STAB2: variants seen among roughly 807,000 people sequenced by gnomAD.
The protein encoded by STAB2 is stabilin 2, also known as stabilin-2.
STAB2 carries 288 observed loss-of-function variants against 338.1 expected under a neutral mutation model. That is an observed-to-expected ratio of 0.85 (90% confidence interval 0.77 to 0.94). The LOEUF (loss-of-function observed/expected upper bound fraction) is 0.94, where lower values mean the gene tolerates loss of function less well. STAB2 is among the 40% of genes least tolerant of loss of function. The pLI is 0.00. For synonymous variants in STAB2, 1,202 were observed against 1,193.3 expected (o/e 1.01, Z -0.15); for missense variants, 3,141 against 3,210.1 (o/e 0.98, Z 0.52).
At chr12:103,684,197 A>C (rs1313119840) in intron 26 of STAB2, among the ~76,000 whole-genome samples, 1 of 152,142 alleles carries the variant, frequency 6.6e-6, no homozygotes, top group Non-Finnish European at 1.5e-5. Flanking sequence ...TTCCCCCACC[A>C]TCAGTGATGC....
chr12:103,618,827 C>T (rs1957251892), intron 3 of STAB2, among the ~76,000 whole-genome samples: 2 of 152,098 alleles, frequency 1.3e-5, no homozygotes, highest in Non-Finnish European at 1.5e-5. Context: ...CTCTGTGTCC[C>T]CACCCAGTCT....
intron 38 of STAB2, among the ~76,000 whole-genome samples, chr12:103,707,516 T>C (rs75930037): frequency 3.2e-4 from 49 of 152,346 alleles, no homozygotes; most frequent in African/African-American, 1.1e-3. Flanking sequence ...TTTTAGATCA[T>C]GCTGTTCTTT....
intron 2 of STAB2, among the ~76,000 whole-genome samples, chr12:103,592,722 A>G (rs1956818635): frequency 6.6e-6 from 1 of 152,168 alleles, no homozygotes. Context: ...GCTTAACATA[A>G]GATCTCCTGT....
chr12:103,675,930 G>C lies in STAB2; in HGVS notation c.2555G>C (p.Cys852Ser), dbSNP rs764508962. 1 of 1,609,990 alleles carries C rather than the reference G, an allele frequency of 6.2e-7. No individual in the cohort carries two copies. Among genetic ancestry groups the C allele is most frequent in the Non-Finnish European group, 8.5e-7 (1 of 1,177,834 alleles). Residue 852 changes from cysteine to serine, a missense_variant and splice_region_variant, in exon 24 of 69, where the codon TGT (cysteine) becomes TCT (serine). Physicochemically the swap from Cys to Ser is moderately radical, Grantham distance 112 (BLOSUM62 -1). Coordinates refer to ENST00000388887, the MANE Select transcript of STAB2 (RefSeq NM_017564.10). ...ATATTGCACACTCTCCTTTGCAGTT[G>C]TATTTGCAAAGCAGGATATGAAGGA... ...TCEYSNGTAS[C>S]ICKAGYEGDG...
intron 20 of STAB2, 74 bp downstream of exon 20, chr12:103,668,803 T>C (rs1214562593): frequency 8.0e-6 from 11 of 1,377,578 alleles, no homozygotes; most frequent in Non-Finnish European, 1.1e-5. Context: ...TCTTGGGTCC[T>C]AGGGTCCACG....
chr12:103,709,418 A>T (rs1382589684), intron 39 of STAB2, among the ~76,000 whole-genome samples: 2 of 152,230 alleles, frequency 1.3e-5, no homozygotes, highest in African/African-American at 4.8e-5. Flanking sequence ...AGAGTTTTCA[A>T]CAAGGGAGCA....
At chr12:103,753,463 CAG>C (rs1883848881) in intron 61 of STAB2, 110 bp downstream of exon 61, 1 of 1,442,958 alleles carries the variant, frequency 6.9e-7, no homozygotes, top group Non-Finnish European at 9.5e-7. Flanking sequence ...CAAGGGAGTG[CAG>C]GTAGCTCCTG....
chr12:103,750,383 G>A (rs1883519954), intron 59 of STAB2, among the ~76,000 whole-genome samples, 196 bp from the exon 60 acceptor site: 1 of 152,242 alleles, frequency 6.6e-6, no homozygotes, highest in African/African-American at 2.4e-5. Flanking sequence ...CATTTGAACT[G>A]AGATGTAAAG....
chr12:103,722,609 T>G (rs1292509691), intron 44 of STAB2, among the ~76,000 whole-genome samples: 1 of 152,224 alleles, frequency 6.6e-6, no homozygotes, highest in Non-Finnish European at 1.5e-5. Flanking sequence ...CTGGAAAATT[T>G]TAAACCTACA....
intron 11 of STAB2, among the ~76,000 whole-genome samples, chr12:103,651,537 C>T (rs1461798833): frequency 6.6e-6 from 1 of 152,114 alleles, no homozygotes; most frequent in Non-Finnish European, 1.5e-5. Flanking sequence ...TGGTCTCCAT[C>T]TCCTGACCTC....
chr12:103,626,587 CGGATGAATGAAT>C (rs917091069), intron 5 of STAB2, among the ~76,000 whole-genome samples: 16 of 152,160 alleles, frequency 1.1e-4, no homozygotes, highest in African/African-American at 3.6e-4. Flanking sequence ...AAGCAAGTCA[CGGATGAATGAAT>C]GGATGAATGA....
At chr12:103,742,671 C>T in intron 56 of STAB2, 117 bp downstream of exon 56, 6 of 1,482,540 alleles carry the variant, frequency 4.0e-6, no homozygotes, top group Non-Finnish European at 5.5e-6. Flanking sequence ...TCAGCCACAC[C>T]CCTCCAATCT....
intron 44 of STAB2, among the ~76,000 whole-genome samples, chr12:103,719,310 A>G (rs1593279810): frequency 6.6e-6 from 1 of 152,158 alleles, no homozygotes; most frequent in Non-Finnish European, 1.5e-5. Flanking sequence ...AATTTCTCTA[A>G]CAGCCATATG....
At chr12:103,658,623 A>G (rs867273447) in intron 15 of STAB2, among the ~76,000 whole-genome samples, 3 of 152,138 alleles carry the variant, frequency 2.0e-5, no homozygotes. Flanking sequence ...ACTGAGACTC[A>G]TGGGTTAAGT....
At chr12:103,622,340 T>C (rs1346488466) in intron 5 of STAB2, among the ~76,000 whole-genome samples, 1 of 121,924 alleles carries the variant, frequency 8.2e-6, no homozygotes, top group Admixed American at 8.0e-5. Context: ...TGAAAGAAGA[T>C]TTATAGACAA....
intron 3 of STAB2, among the ~76,000 whole-genome samples, chr12:103,608,787 C>T (rs934704629): frequency 6.6e-6 from 1 of 152,112 alleles, no homozygotes; most frequent in Non-Finnish European, 1.5e-5. Flanking sequence ...ATGGTATTGC[C>T]TAGGTTTTCT....
chr12:103,618,197 G>C (rs562542603), intron 3 of STAB2, among the ~76,000 whole-genome samples: 1 of 152,260 alleles, frequency 6.6e-6, no homozygotes, highest in East Asian at 1.9e-4. Flanking sequence ...GTATTAAAAG[G>C]TAAAAGTCTT....
chr12:103,587,776 T>C (rs147899486), intron 1 of STAB2, among the ~76,000 whole-genome samples: 274 of 152,348 alleles, frequency 1.8e-3, no homozygotes, highest in African/African-American at 6.2e-3. Flanking sequence ...CCCGCTGCTG[T>C]TGGGACCTCT....
intron 11 of STAB2, 137 bp from the exon 12 acceptor site, chr12:103,652,419 C>T (rs1565985576): frequency 3.1e-6 from 2 of 644,720 alleles, no homozygotes; most frequent in Non-Finnish European, 2.5e-6. Flanking sequence ...TGCTTTCATG[C>T]ATTTGTATTT....
Sources: gnomAD v4.1 joint callset for allele counts (sites outside exome capture counted in the v4.1 genomes callset) on GRCh38, gnomAD v4.1.1 for gene constraint, MANE v1.5 for transcripts, NCBI Gene and HGNC (gene_info 2026-07-23, HGNC 2026-07-21) for gene names.